USP30: variants seen among roughly 807,000 people sequenced by gnomAD.
The protein encoded by USP30 is ubiquitin specific peptidase 30.
USP30 carries 41 observed loss-of-function variants against 68.2 expected under a neutral mutation model. The ratio of observed to expected loss-of-function variants is 0.60; its 90% CI spans 0.47 to 0.78. The LOEUF is 0.78. Among genes scored for constraint, USP30 ranks in the 30% least tolerant of loss-of-function variants. The pLI, the probability that USP30 is intolerant of heterozygous loss-of-function variation, is 0.00. For missense variants in USP30, 522 were observed against 649.4 expected, an observed-to-expected ratio of 0.80 and a Z score of 2.13; for synonymous variants, 229 against 253.7, an observed-to-expected ratio of 0.90 and a Z score of 0.93.
intron 2 of USP30, 121 bp from the exon 3 acceptor site, chr12:109,057,805 G>C: frequency 9.0e-7 from 1 of 1,108,746 alleles, no homozygotes; most frequent in Non-Finnish European, 1.3e-6. Context: ...TGTGGATAAG[G>C]ATCTTCTTGG....
Position 109,052,690 on chromosome 12 carries a change from C to T in USP30, c.12C>T (p.Ser4=). The change falls in exon 1 of 13, where the codon TCC becomes TCT. Residue 4 remains serine (S), a synonymous_variant. Transcript: ENST00000257548. ...CCGGTGCGGCTGCAATGCTGAGCTCCCGGGCCGAGGCGGCGATGACCGCGG... is the reference window on the plus strand; with the variant it reads ...CCGGTGCGGCTGCAATGCTGAGCTCTCGGGCCGAGGCGGCGATGACCGCGG... MLS[S]RAEAAMTAAD... 6.7e-7 allele frequency: 1 copy of T among 1,492,408 alleles called. No homozygotes were observed. Among genetic ancestry groups the T allele is most frequent in the Non-Finnish European group, 8.9e-7 (1 of 1,125,732 alleles). 92.4% of individuals were successfully genotyped at this position (1,492,408 alleles called of 1,614,324 possible). A position where few individuals can be genotyped will look rare whatever the true frequency, so the allele number is the denominator to read the frequency against.
At chr12:109,058,420 A>C (rs1409638042) in intron 3 of USP30, among the ~76,000 whole-genome samples, 1 of 152,126 alleles carries the variant, frequency 6.6e-6, no homozygotes, top group Non-Finnish European at 1.5e-5. Context: ...AACACAAAAA[A>C]TATTATCTGG....
chr12:109,034,638 C>T (rs960712794), intron 3 of USP30, among the ~76,000 whole-genome samples: 153 of 152,284 alleles, frequency 1.0e-3, no homozygotes, highest in Middle Eastern at 3.4e-3. Flanking sequence ...CTGTTAGAAA[C>T]AGTTTATAGT....
intron 3 of USP30, among the ~76,000 whole-genome samples, chr12:109,058,796 G>A (rs891629860): frequency 5.9e-5 from 9 of 152,100 alleles, no homozygotes; most frequent in East Asian, 1.9e-4. Flanking sequence ...TCAAATGTTC[G>A]ACTCGACCAT....
intron 2 of USP30, among the ~76,000 whole-genome samples, chr12:109,025,631 C>A (rs539959582): frequency 9.2e-5 from 14 of 151,650 alleles, no homozygotes; most frequent in African/African-American, 3.4e-4. Context: ...CCTGTAGATA[C>A]TAAAAGAAGC....
In USP30 at chr12:109,070,962, A is replaced by C. The variant is rs2041420311; in HGVS notation, c.481-650A>C. ...TTATTCAGCCTTAAAAAGGAAGGAAATTCTGCAGTATGCTACAACATAGGT... is the reference window on the plus strand; with the variant it reads ...TTATTCAGCCTTAAAAAGGAAGGAACTTCTGCAGTATGCTACAACATAGGT... On this transcript the variant is annotated intron_variant, in intron 4 of 12. Coordinates refer to ENST00000257548, the MANE Select transcript of USP30 (RefSeq NM_032663.5). This position sits in a 1 kb window ranked among gnomAD's most constrained non-coding sequence, Gnocchi z 4.0. 1.3e-5 allele frequency among the ~76,000 whole-genome samples: 2 copies of C among 152,262 alleles called. No individual in the cohort carries two copies. The highest frequency in any genetic ancestry group is 1.3e-4 in the Admixed American group (2 of 15,292).
At chr12:109,037,160 A>G (rs934344712) in intron 3 of USP30, among the ~76,000 whole-genome samples, 4 of 151,994 alleles carry the variant, frequency 2.6e-5, no homozygotes, top group Admixed American at 1.3e-4. Context: ...AACTATCTTC[A>G]TGTTCATTGA....
chr12:109,035,993 T>G (rs1398309917), intron 3 of USP30, among the ~76,000 whole-genome samples: 1 of 152,096 alleles, frequency 6.6e-6, no homozygotes, highest in Non-Finnish European at 1.5e-5. Flanking sequence ...ACATCATCTC[T>G]GCAAAAAATA....
At chr12:109,075,674 C>A in intron 7 of USP30, among the ~76,000 whole-genome samples, 1 of 152,118 alleles carries the variant, frequency 6.6e-6, no homozygotes, top group East Asian at 1.9e-4. Context: ...TTGGTAATAG[C>A]CATCCTAACA....
intron 2 of USP30, among the ~76,000 whole-genome samples, chr12:109,026,655 A>G (rs1338492631): frequency 6.6e-6 from 1 of 151,234 alleles, no homozygotes; most frequent in Non-Finnish European, 1.5e-5. Flanking sequence ...TTTTCTGGGG[A>G]AGGAGTCTCA....
intron 3 of USP30, among the ~76,000 whole-genome samples, chr12:109,027,916 G>A: frequency 6.6e-6 from 1 of 152,162 alleles, no homozygotes; most frequent in Non-Finnish European, 1.5e-5. Flanking sequence ...ATAAATAGGA[G>A]AAGAGTTGCT....
chr12:109,071,778 A>G, intron 5 of USP30, 68 bp downstream of exon 5: 1 of 1,387,430 alleles, frequency 7.2e-7, no homozygotes. Flanking sequence ...AGGGGAGGCA[A>G]GTGTAATCTT....
chr12:109,082,872 G>A lies in USP30; in HGVS notation c.978G>A (p.Gln326=). The A allele has an allele frequency of 6.2e-7, 1 of 1,614,184 alleles. No individual in the cohort carries two copies. Among genetic ancestry groups the A allele is most frequent in the Non-Finnish European group, 8.5e-7 (1 of 1,180,012 alleles). Residue 326 remains glutamine (Q), a synonymous_variant, in exon 11 of 13, where the codon CAG becomes CAA. Coordinates refer to ENST00000257548, the MANE Select transcript of USP30 (RefSeq NM_032663.5). ...KLPQCLCIHL[Q]RLSWSSHGTP... ...CTCAGTGTCTCTGCATCCACCTACAGCGGCTGAGCTGGTCCAGCCACGGCA... is the reference window on the plus strand; with the variant it reads ...CTCAGTGTCTCTGCATCCACCTACAACGGCTGAGCTGGTCCAGCCACGGCA...
intron 12 of USP30, 151 bp downstream of exon 12, chr12:109,085,224 G>T: frequency 9.9e-7 from 1 of 1,008,514 alleles, no homozygotes; most frequent in Non-Finnish European, 1.3e-6. Context: ...ATTTATTTTT[G>T]TCCAAAATGG....
upstream of USP30, among the ~76,000 whole-genome samples, chr12:109,048,155 G>A (rs950549470): frequency 6.7e-6 from 1 of 149,622 alleles, no homozygotes; most frequent in African/African-American, 2.5e-5. Flanking sequence ...GCACAATCAT[G>A]GCTCACTGCA....
At chr12:109,050,031 C>T (rs1396174817), upstream of USP30, among the ~76,000 whole-genome samples, 1 of 152,160 alleles carries the variant, frequency 6.6e-6, no homozygotes, top group East Asian at 1.9e-4. Context: ...CACGGTGGCT[C>T]ACACCTGTAA....
chr12:109,069,921 A>T (rs1261744574), intron 4 of USP30, among the ~76,000 whole-genome samples: 1 of 152,126 alleles, frequency 6.6e-6, no homozygotes, highest in East Asian at 1.9e-4. Context: ...CTAGGGTATA[A>T]GTCTGGAGAT....
At chr12:109,065,214 G>C (rs1223952346) in intron 3 of USP30, among the ~76,000 whole-genome samples, 2 of 152,102 alleles carry the variant, frequency 1.3e-5, no homozygotes, top group Non-Finnish European at 2.9e-5. Flanking sequence ...TGAGAGGCAG[G>C]CTTCTGTATT....
intron 1 of USP30, among the ~76,000 whole-genome samples, chr12:109,056,317 C>T (rs61083037): frequency 2.7e-3 from 413 of 152,114 alleles, no homozygotes; most frequent in African/African-American, 8.8e-3. Flanking sequence ...CTCAGCCTCC[C>T]GAGTAGCTGG....
Sources: gnomAD v4.1 joint callset for allele counts (sites outside exome capture counted in the v4.1 genomes callset) on GRCh38, gnomAD v4.1.1 for gene constraint, Gnocchi (gnomAD v3.1) non-coding constraint, MANE v1.5 for transcripts, NCBI Gene and HGNC (gene_info 2026-07-23, HGNC 2026-07-21) for gene names.